The following PCDH19 variants were observed in gnomAD, a reference collection of about 807,000 sequenced individuals.
The protein encoded by PCDH19 is protocadherin 19.
Under a neutral mutation model 46.2 loss-of-function variants are expected in PCDH19, and 6 were observed. The observed-to-expected ratio is 0.13, with a 90% CI of 0.07 to 0.26. The LOEUF is 0.26. Ranked by LOEUF, PCDH19 falls within the 10% of genes least tolerant of loss-of-function variation. The pLI is 1.00. For missense variants in PCDH19, 740 were observed against 972.3 expected (o/e 0.76, Z 3.18); for synonymous variants, 481 against 415.7 (o/e 1.16, Z -1.91).
intron 3 of PCDH19, among the ~76,000 whole-genome samples, chrX:100,397,923 A>G (rs1004345616): frequency 2.7e-5 from 3 of 110,675 alleles, no homozygotes; most frequent in African/African-American, 9.9e-5. Context: ...TGACAAACCT[A>G]CTATCTTTCT....
At chrX:100,404,144 A>C (rs776551095) in intron 1 of PCDH19, among the ~76,000 whole-genome samples, 1 of 111,915 alleles carries the variant, frequency 8.9e-6, no homozygotes, top group South Asian at 3.8e-4. Context: ...AATCACATGG[A>C]AAGACACGCT....
In PCDH19 at chrX:100,322,865, A is replaced by ATATATTTTTTTT; in HGVS notation, c.2848+19037_2848+19038insAAAAAAAATATA. ...TATATATATATATATATATATATAT[A>ATATATTTTTTTT]TTTTTGCAGCTATTGTAAAAGGGGT... is the stretch of plus-strand genomic sequence containing the variant. On this transcript the variant is annotated intron_variant, in intron 5 of 5. Transcript: ENST00000373034. Among the ~76,000 whole-genome samples the ATATATTTTTTTT allele has an allele frequency of 9.8e-3, 531 of 54,275 alleles. 8 individuals carry two copies. Among genetic ancestry groups the ATATATTTTTTTT allele is most frequent in the Middle Eastern group, 0.013 (1 of 75 alleles). 47.1% of individuals were successfully genotyped at this position (54,275 alleles called of 115,157 possible). A position where few individuals can be genotyped will look rare whatever the true frequency, so the allele number is the denominator to read the frequency against.
intron 5 of PCDH19, among the ~76,000 whole-genome samples, chrX:100,327,210 T>C (rs1925721234): frequency 8.9e-6 from 1 of 111,856 alleles, no homozygotes; most frequent in Non-Finnish European, 1.9e-5. Flanking sequence ...ACTTGCTATG[T>C]TTTGGACACT....
intron 5 of PCDH19, among the ~76,000 whole-genome samples, chrX:100,317,271 C>A (rs1438882731): frequency 8.9e-6 from 1 of 112,104 alleles, no homozygotes; most frequent in Non-Finnish European, 1.9e-5. Context: ...CATGTTTACA[C>A]AGCTGGAACT....
chrX:100,347,528 A>G (rs1401056064), intron 4 of PCDH19, among the ~76,000 whole-genome samples: 3 of 111,752 alleles, frequency 2.7e-5, no homozygotes, highest in Non-Finnish European at 5.6e-5. Flanking sequence ...AGCCATTCCA[A>G]TTTAGGCGTG....
intron 3 of PCDH19, among the ~76,000 whole-genome samples, chrX:100,394,320 T>C (rs767199455): frequency 2.7e-4 from 30 of 112,240 alleles, no homozygotes; most frequent in Admixed American, 2.4e-3. Flanking sequence ...TCTGTCAATT[T>C]GTCTGTCTCA....
chrX:100,372,288 A>G (rs980611340), intron 3 of PCDH19, among the ~76,000 whole-genome samples: 3 of 111,875 alleles, frequency 2.7e-5, no homozygotes, highest in African/African-American at 9.8e-5. Context: ...CAGCTTCCTA[A>G]GATGTCAGAA....
intron 5 of PCDH19, among the ~76,000 whole-genome samples, chrX:100,309,898 G>C (rs1925080749): frequency 8.9e-6 from 1 of 112,442 alleles, no homozygotes; most frequent in South Asian, 3.7e-4. Context: ...AAAGACTGAT[G>C]AACCCCAATC....
intron 4 of PCDH19, among the ~76,000 whole-genome samples, chrX:100,345,965 T>C (rs935075739): frequency 3.6e-5 from 4 of 112,374 alleles, no homozygotes; most frequent in African/African-American, 1.3e-4. Context: ...TAACAATTTA[T>C]GCCAGGCATA....
chrX:100,332,320 G>A (rs755437559), intron 5 of PCDH19, among the ~76,000 whole-genome samples: 62 of 111,442 alleles, frequency 5.6e-4, no homozygotes, highest in Non-Finnish European at 9.8e-4. Context: ...TCAGGAGTTC[G>A]AGACCAGCCT....
intron 5 of PCDH19, among the ~76,000 whole-genome samples, chrX:100,311,858 C>T (rs181577277): frequency 1.8e-5 from 2 of 110,745 alleles, no homozygotes; most frequent in East Asian, 2.8e-4. Flanking sequence ...AGTGTAACTT[C>T]GGGAACCATC....
At chrX:100,391,579 A>G (rs1439415044) in intron 3 of PCDH19, among the ~76,000 whole-genome samples, 1 of 112,272 alleles carries the variant, frequency 8.9e-6, no homozygotes, top group Admixed American at 9.4e-5. Context: ...CAATGCAGGC[A>G]GCTATATGAA....
chrX:100,338,569 A>ATCCC (rs1202347415), intron 5 of PCDH19, among the ~76,000 whole-genome samples: 1 of 106,559 alleles, frequency 9.4e-6, no homozygotes, highest in Non-Finnish European at 1.9e-5. Context: ...TCCTTCCTTT[A>ATCCC]TTGAATATAA....
intron 3 of PCDH19, among the ~76,000 whole-genome samples, chrX:100,390,240 G>A (rs755470622): frequency 9.0e-5 from 10 of 111,336 alleles, no homozygotes; most frequent in African/African-American, 2.9e-4. Context: ...TGAATGAGTG[G>A]ATATTTTCAA....
intron 3 of PCDH19, among the ~76,000 whole-genome samples, chrX:100,355,910 G>T (rs1023605400): frequency 9.0e-6 from 1 of 110,960 alleles, no homozygotes; most frequent in Non-Finnish European, 1.9e-5. Context: ...TACTTTTACA[G>T]TTCACTGAAT....
At chrX:100,356,443 C>A (rs1271386960) in intron 3 of PCDH19, among the ~76,000 whole-genome samples, 2 of 111,672 alleles carry the variant, frequency 1.8e-5, no homozygotes, top group East Asian at 5.6e-4. Context: ...CATCTCCTCA[C>A]AAAGATGGCT....
intron 3 of PCDH19, among the ~76,000 whole-genome samples, chrX:100,370,615 C>A (rs948153239): frequency 8.9e-6 from 1 of 111,869 alleles, no homozygotes; most frequent in Non-Finnish European, 1.9e-5. Flanking sequence ...TTACAAGGAA[C>A]TAAAAATAAA....
chrX:100,376,978 T>C (rs1205277326), intron 3 of PCDH19, among the ~76,000 whole-genome samples: 1 of 112,416 alleles, frequency 8.9e-6, no homozygotes, highest in Non-Finnish European at 1.9e-5. Flanking sequence ...GTTCCCTCTC[T>C]TTCCAGGGGT....
chrX:100,327,565 A>G (rs745748798), intron 5 of PCDH19, among the ~76,000 whole-genome samples: 3 of 112,264 alleles, frequency 2.7e-5, no homozygotes, highest in Admixed American at 1.9e-4. Context: ...GAAGACTCCA[A>G]TGAGAATTAG....
Sources: gnomAD v4.1 joint callset for allele counts (sites outside exome capture counted in the v4.1 genomes callset) on GRCh38, gnomAD v4.1.1 for gene constraint, MANE v1.5 for transcripts, NCBI Gene and HGNC (gene_info 2026-07-23, HGNC 2026-07-21) for gene names.